KDM4B: variants seen among roughly 807,000 people sequenced by gnomAD.
The protein encoded by KDM4B is lysine-specific demethylase 4B.
Under a neutral mutation model 125.2 loss-of-function variants are expected in KDM4B, and 32 were observed. The ratio of observed to expected loss-of-function variants is 0.26; its 90% CI spans 0.19 to 0.34. The LOEUF is 0.34. Ranked by LOEUF, KDM4B falls within the 10% of genes least tolerant of loss-of-function variation. The pLI is 1.00. For missense variants in KDM4B, 1,190 were observed against 1,577.7 expected (o/e 0.75, Z 4.16); for synonymous variants, 721 against 677.9 (o/e 1.06, Z -0.99).
chr19:4,989,377 G>A (rs891024376), intron 1 of KDM4B, among the ~76,000 whole-genome samples: 1 of 151,782 alleles, frequency 6.6e-6, no homozygotes, highest in Admixed American at 6.6e-5. Flanking sequence ...TTGCTCTGTC[G>A]CCCAGGCTGG....
intron 5 of KDM4B, among the ~76,000 whole-genome samples, chr19:5,043,908 C>T (rs1476791253): frequency 3.6e-5 from 5 of 140,702 alleles, no homozygotes; most frequent in East Asian, 2.2e-4. Context: ...GGGTGTCCAC[C>T]TTATCCCGCG....
chr19:5,015,368 C>T (rs2035860586), intron 1 of KDM4B, among the ~76,000 whole-genome samples: 1 of 152,162 alleles, frequency 6.6e-6, no homozygotes, highest in Non-Finnish European at 1.5e-5. Flanking sequence ...TCTCAAGCCT[C>T]AGCCTCCTGA....
intron 1 of KDM4B, among the ~76,000 whole-genome samples, chr19:4,996,528 C>T (rs2035205798): frequency 6.6e-6 from 1 of 151,816 alleles, no homozygotes; most frequent in African/African-American, 2.4e-5. Context: ...TGTGCACTAC[C>T]ACATCTGGCT....
intron 21 of KDM4B, among the ~76,000 whole-genome samples, chr19:5,148,806 C>G (rs1261934795): frequency 1.3e-5 from 2 of 152,220 alleles, no homozygotes; most frequent in Non-Finnish European, 2.9e-5. Context: ...TTCACCCAGA[C>G]TCTCCTCACC....
intron 1 of KDM4B, among the ~76,000 whole-genome samples, chr19:4,974,765 A>G (rs1288481990): frequency 2.0e-5 from 3 of 151,982 alleles, no homozygotes; most frequent in Admixed American, 2.0e-4. Context: ...AGGTAGTCAA[A>G]GGAGTAAAAA....
intron 1 of KDM4B, among the ~76,000 whole-genome samples, chr19:4,978,534 A>G (rs2034530984): frequency 6.6e-6 from 1 of 150,994 alleles, no homozygotes; most frequent in Non-Finnish European, 1.5e-5. Flanking sequence ...AAAAAAAAAA[A>G]AAAGAACATA....
At position 5,114,226 on chromosome 19, in the gene KDM4B, G is replaced by A. The variant is rs974157716; in HGVS notation, c.1115+3408G>A. ...CATGTGCACGTGCTCCAGCAGGTAC[G>A]CGCTCCCTGCAGGACATCTGTGCAC... On this transcript the variant is annotated intron_variant, in intron 10 of 22. Transcript: ENST00000159111. The surrounding 1 kb of genome is among the most constrained non-coding windows in gnomAD (Gnocchi z 5.8). The A allele has an allele frequency of 2.5e-5, 32 of 1,289,132 alleles. No individual in the cohort carries two copies. The highest frequency in any genetic ancestry group is 3.0e-5 in the African/African-American group (2 of 65,840). 79.9% of individuals were successfully genotyped at this position (1,289,132 alleles called of 1,614,324 possible).
chr19:5,013,228 C>T (rs1284442534), intron 1 of KDM4B, among the ~76,000 whole-genome samples: 3 of 152,154 alleles, frequency 2.0e-5, no homozygotes, highest in Non-Finnish European at 2.9e-5. Context: ...GGGGGTGGCC[C>T]GTCGTGCAGC....
chr19:5,134,417 C>T (rs868484256), intron 14 of KDM4B, among the ~76,000 whole-genome samples: 1 of 152,134 alleles, frequency 6.6e-6, no homozygotes, highest in African/African-American at 2.4e-5. Flanking sequence ...CCTGGGTGGC[C>T]GGGCGGGGCT....
chr19:5,126,157 G>A (rs2039445796), intron 11 of KDM4B, among the ~76,000 whole-genome samples: 1 of 152,144 alleles, frequency 6.6e-6, no homozygotes, highest in Non-Finnish European at 1.5e-5. Flanking sequence ...TTGCTCACAG[G>A]GGCCAGGGGG....
intron 1 of KDM4B, among the ~76,000 whole-genome samples, chr19:5,010,253 A>G (rs1431024948): frequency 6.6e-6 from 1 of 152,128 alleles, no homozygotes; most frequent in Non-Finnish European, 1.5e-5. Context: ...ACGTTTTCTC[A>G]TGGTTAGCCT....
chr19:5,090,451 CCT>C (rs1304786272), intron 9 of KDM4B, among the ~76,000 whole-genome samples: 3 of 61,336 alleles, frequency 4.9e-5, no homozygotes, highest in Non-Finnish European at 7.1e-5. Context: ...CTCTCTTCCC[CCT>C]CTCTCTCCGC....
chr19:5,036,227 G>A (rs976143280), intron 3 of KDM4B, among the ~76,000 whole-genome samples: 3 of 152,248 alleles, frequency 2.0e-5, no homozygotes, highest in Non-Finnish European at 4.4e-5. Flanking sequence ...ATGTATGTGT[G>A]TGGTGGGGGA....
At chr19:5,096,631 G>A (rs1019960381) in intron 9 of KDM4B, among the ~76,000 whole-genome samples, 13 of 150,404 alleles carry the variant, frequency 8.6e-5, no homozygotes, top group Admixed American at 3.3e-4. Flanking sequence ...GGTGTCGGTG[G>A]TGCGTGTTGC....
At chr19:5,059,033 G>A (rs1323806158) in intron 6 of KDM4B, among the ~76,000 whole-genome samples, 1 of 152,228 alleles carries the variant, frequency 6.6e-6, no homozygotes, top group Non-Finnish European at 1.5e-5. Context: ...GTGCGTGCCC[G>A]CGGGTCCCTC....
At chr19:5,063,634 G>A (rs909393979) in intron 6 of KDM4B, among the ~76,000 whole-genome samples, 1 of 152,210 alleles carries the variant, frequency 6.6e-6, no homozygotes, top group African/African-American at 2.4e-5. Flanking sequence ...TGCATCTGTG[G>A]CACTGAGCCC....
chr19:5,000,274 C>T (rs2035342785), intron 1 of KDM4B, among the ~76,000 whole-genome samples: 2 of 143,572 alleles, frequency 1.4e-5, no homozygotes, highest in Non-Finnish European at 3.0e-5. Flanking sequence ...TTCACATATC[C>T]GTCCATCCAT....
rs771962397 is a variant in KDM4B, at chr19:5,137,231, C to CA, written c.2309-30dup. On this transcript the variant is annotated intron_variant, in intron 15 of 22. Transcript: ENST00000159111. ...GGCTCCCCAAGTCTCACCTGCCCCCCAGATCTCAGCCAGCCCCCGCTGTCT... is the reference window on the plus strand; with the variant it reads ...GGCTCCCCAAGTCTCACCTGCCCCCCAAGATCTCAGCCAGCCCCCGCTGTCT... The CA allele has an allele frequency of 5.2e-6, 8 of 1,543,494 alleles. No homozygotes were observed. In the South Asian group the frequency reaches 8.3e-5, roughly 16 times the overall value.
chr19:5,149,649 T>C (rs1385827170), intron 21 of KDM4B, among the ~76,000 whole-genome samples: 1 of 152,136 alleles, frequency 6.6e-6, no homozygotes, highest in Non-Finnish European at 1.5e-5. Flanking sequence ...ACGCCCTTCA[T>C]GGGACAGTGT....
Sources: allele counts gnomAD v4.1 joint callset (sites outside exome capture counted in the v4.1 genomes callset), GRCh38; gene constraint gnomAD v4.1.1; non-coding constraint Gnocchi (gnomAD v3.1); transcripts MANE v1.5; gene names NCBI Gene and HGNC (gene_info 2026-07-23, HGNC 2026-07-21).